Variants in OPCML observed in about 807,000 individuals in gnomAD.
OPCML encodes opioid-binding protein/cell adhesion molecule.
In OPCML, 13 loss-of-function variants were observed where a neutral mutation model predicts 37.8. The observed-to-expected ratio is 0.34, with a 90% CI of 0.22 to 0.55. The LOEUF (loss-of-function observed/expected upper bound fraction) is 0.55, where lower values mean the gene tolerates loss of function less well. Among genes scored for constraint, OPCML ranks in the 20% least tolerant of loss-of-function variants. OPCML has a pLI of 0.91. For missense variants in OPCML, 341 were observed against 435.6 expected (o/e 0.78, Z 1.93); for synonymous variants, 176 against 168.8 (o/e 1.04, Z -0.33).
intron 1 of OPCML, among the ~76,000 whole-genome samples, chr11:133,518,698 G>A (rs1454129677): frequency 6.8e-6 from 1 of 147,274 alleles, no homozygotes; most frequent in Non-Finnish European, 1.5e-5. Flanking sequence ...CTGTGGCGTG[G>A]GCAGTGGCAG....
At chr11:133,261,461 G>C (rs1471702855) in intron 1 of OPCML, among the ~76,000 whole-genome samples, 1 of 152,148 alleles carries the variant, frequency 6.6e-6, no homozygotes, top group African/African-American at 2.4e-5. Context: ...AGACGAAAGA[G>C]TGGTGAGGCT....
intron 1 of OPCML, among the ~76,000 whole-genome samples, chr11:133,352,879 G>T (rs1207893031): frequency 1.3e-5 from 2 of 152,108 alleles, no homozygotes; most frequent in Non-Finnish European, 2.9e-5. Context: ...ATGACCTTGG[G>T]ACAATTACAA....
chr11:132,422,502 T>C (rs897606510), intron 7 of OPCML, among the ~76,000 whole-genome samples: 2 of 152,130 alleles, frequency 1.3e-5, no homozygotes, highest in African/African-American at 4.8e-5. Flanking sequence ...AGAGTGGAAA[T>C]GAAAGGGAGA....
intron 3 of OPCML, among the ~76,000 whole-genome samples, chr11:132,539,057 G>A (rs996424239): frequency 3.9e-5 from 6 of 152,136 alleles, no homozygotes; most frequent in African/African-American, 1.4e-4. Flanking sequence ...CATTTTTTGA[G>A]TTCCCACTAT....
At chr11:133,204,296 A>T (rs1592100945) in intron 1 of OPCML, among the ~76,000 whole-genome samples, 1 of 152,194 alleles carries the variant, frequency 6.6e-6, no homozygotes, top group African/African-American at 2.4e-5. Flanking sequence ...CCCACATTTG[A>T]AATTTCTATT....
In OPCML at chr11:132,822,503, AGT is replaced by A. The variant is rs35359537; in HGVS notation, c.146+120421_146+120422del. 2.7e-3 allele frequency among the ~76,000 whole-genome samples: 401 copies of A among 149,372 alleles called. 1 individual carries two copies. Among genetic ancestry groups the A allele is most frequent in the African/African-American group, 8.4e-3 (343 of 40,884 alleles). Reference sequence around the variant, plus strand: ...ACTGTGACAGCTGACAGGAGAGTGAAGTGTGTGTGTGTGTGTGTGTGCGCGCA... The same window carrying A: ...ACTGTGACAGCTGACAGGAGAGTGAAGTGTGTGTGTGTGTGTGTGCGCGCA... On this transcript the variant is annotated intron_variant, in intron 2 of 7. Coordinates refer to ENST00000524381, the MANE Select transcript of OPCML (RefSeq NM_001012393.5).
chr11:133,418,367 G>T lies in OPCML; in HGVS notation c.61+113897C>A, dbSNP rs1377321379. The T allele has an allele frequency of 4.1e-6, 4 of 985,384 alleles. No individual in the cohort carries two copies. In the Admixed American group the frequency reaches 1.8e-4, roughly 45 times the overall value. The allele number at this position is 985,384 out of a possible 1,614,324, so 61.0% of individuals were successfully genotyped here. ...ATTCAATAGGGGTAAAAAAATTCAA[G>T]AACTATTTCAGAAGCCACCTAAATA... On this transcript the variant is annotated intron_variant, in intron 1 of 7. Transcript: ENST00000524381.
At chr11:133,088,559 G>A (rs924357889) in intron 1 of OPCML, among the ~76,000 whole-genome samples, 9 of 152,122 alleles carry the variant, frequency 5.9e-5, no homozygotes, top group Admixed American at 1.3e-4. Flanking sequence ...CAATGAATTG[G>A]GTTACAATAC....
Position 132,943,536 on chromosome 11 carries a change from A to G in OPCML, c.62-526T>C, listed in dbSNP as rs903464161. The G allele has an allele frequency of 2.1e-5, 4 of 191,070 alleles. No homozygotes were observed. Among genetic ancestry groups the G allele is most frequent in the African/African-American group, 6.9e-5 (3 of 43,440 alleles). 11.8% of individuals were successfully genotyped at this position (191,070 alleles called of 1,614,324 possible). A position where few individuals can be genotyped will look rare whatever the true frequency, so the allele number is the denominator to read the frequency against. Reference sequence around the variant, plus strand: ...AAGGCAAGTGTCTCTGACATACAGGAGCTGTCATAAAAAGCTGCGGCTTCA... The same window carrying G: ...AAGGCAAGTGTCTCTGACATACAGGGGCTGTCATAAAAAGCTGCGGCTTCA... On this transcript the variant is annotated intron_variant, in intron 1 of 7. Transcript: ENST00000524381. This position sits in a 1 kb window ranked among gnomAD's most constrained non-coding sequence, Gnocchi z 4.3.
intron 2 of OPCML, among the ~76,000 whole-genome samples, chr11:132,905,637 A>T (rs761521512): frequency 3.2e-4 from 49 of 152,124 alleles, no homozygotes; most frequent in Admixed American, 9.8e-4. Flanking sequence ...GACCTTCATG[A>T]TGCAAAATTA....
intron 1 of OPCML, among the ~76,000 whole-genome samples, chr11:133,011,060 A>G (rs1012517831): frequency 1.3e-5 from 2 of 152,248 alleles, no homozygotes; most frequent in African/African-American, 2.4e-5. Context: ...TCACAGCAGT[A>G]CAAGCAAGCC....
At chr11:132,963,344 C>T (rs1357824894) in intron 1 of OPCML, among the ~76,000 whole-genome samples, 1 of 152,070 alleles carries the variant, frequency 6.6e-6, no homozygotes, top group Non-Finnish European at 1.5e-5. Context: ...GTAATCCCAG[C>T]ACTTTGGGAG....
intron 3 of OPCML, among the ~76,000 whole-genome samples, chr11:132,550,724 G>A (rs566620978): frequency 1.9e-3 from 293 of 152,166 alleles, no homozygotes; most frequent in African/African-American, 6.1e-3. Context: ...AGGAAGGGAC[G>A]GTTTTCACCC....
intron 1 of OPCML, among the ~76,000 whole-genome samples, chr11:133,491,819 CA>C (rs779104426): frequency 3.9e-5 from 6 of 152,046 alleles, no homozygotes; most frequent in Non-Finnish European, 8.8e-5. Context: ...GCCGAAATGC[CA>C]GGGGGAACAT....
chr11:133,306,174 T>C (rs945071690), intron 1 of OPCML, among the ~76,000 whole-genome samples: 2 of 152,166 alleles, frequency 1.3e-5, no homozygotes, highest in Non-Finnish European at 2.9e-5. Context: ...CTGCCCTTGG[T>C]CCTGAAATCA....
intron 4 of OPCML, among the ~76,000 whole-genome samples, chr11:132,509,345 G>GA (rs57552965): frequency 1.9e-3 from 284 of 149,442 alleles, no homozygotes; most frequent in African/African-American, 5.9e-3. Flanking sequence ...CTACGTGATA[G>GA]AAAAAAAAAA....
chr11:132,813,081 C>A (rs1939439042), intron 2 of OPCML, among the ~76,000 whole-genome samples: 1 of 152,084 alleles, frequency 6.6e-6, no homozygotes, highest in African/African-American at 2.4e-5. Flanking sequence ...CCTTTTGATT[C>A]AAATAGGTTC....
chr11:132,530,224 C>T (rs1023327014), intron 3 of OPCML, among the ~76,000 whole-genome samples: 52 of 152,212 alleles, frequency 3.4e-4, no homozygotes, highest in African/African-American at 1.1e-3. Context: ...TGGGCCAGGA[C>T]CATGCCCATG....
At chr11:133,093,026 A>T (rs1762574175) in intron 1 of OPCML, among the ~76,000 whole-genome samples, 1 of 152,282 alleles carries the variant, frequency 6.6e-6, no homozygotes, top group East Asian at 1.9e-4. Context: ...TGTAACTTGG[A>T]ACACAAATCT....
Sources: allele counts gnomAD v4.1 joint callset (sites outside exome capture counted in the v4.1 genomes callset), GRCh38; gene constraint gnomAD v4.1.1; non-coding constraint Gnocchi (gnomAD v3.1); transcripts MANE v1.5; gene names NCBI Gene and HGNC (gene_info 2026-07-23, HGNC 2026-07-21).